BCKDHB: variants seen among roughly 807,000 people sequenced by gnomAD.
The protein encoded by BCKDHB is branched chain keto acid dehydrogenase E1 subunit beta, also known as 2-oxoisovalerate dehydrogenase subunit beta, mitochondrial.
A neutral mutation model predicts 48.5 loss-of-function variants in BCKDHB; 41 were observed. That is an observed-to-expected ratio of 0.85 (90% CI 0.66 to 1.10). The LOEUF is 1.10. Among genes scored for constraint, BCKDHB ranks in the 50% least tolerant of loss-of-function variants. BCKDHB has a pLI of 0.00. For synonymous variants in BCKDHB, 201 were observed against 174.8 expected, an observed-to-expected ratio of 1.15 and a Z score of -1.18; for missense variants, 496 against 494.2, an observed-to-expected ratio of 1.00 and a Z score of -0.03.
intron 9 of BCKDHB, among the ~76,000 whole-genome samples, chr6:80,276,984 T>C (rs1359460293): frequency 6.6e-6 from 1 of 152,046 alleles, no homozygotes; most frequent in African/African-American, 2.4e-5. Context: ...GGCCCCACTC[T>C]GGGGAAGATT....
At chr6:80,298,301 CA>C (rs1562212707) in intron 9 of BCKDHB, among the ~76,000 whole-genome samples, 2 of 151,964 alleles carry the variant, frequency 1.3e-5, no homozygotes, top group African/African-American at 4.8e-5. Context: ...GTGGTAGAGA[CA>C]GGGTTTTGCC....
the BCKDHB span, among the ~76,000 whole-genome samples, chr6:80,396,108 T>A: frequency 2.0e-5 from 3 of 152,132 alleles, no homozygotes; most frequent in Non-Finnish European, 4.4e-5. Flanking sequence ...AATGTGTGGT[T>A]GGAGCTCCCA....
chr6:80,201,101 C>A, intron 7 of BCKDHB, 70 bp downstream of exon 7: 1 of 1,285,840 alleles, frequency 7.8e-7, no homozygotes, highest in Non-Finnish European at 1.1e-6. Context: ...AATCCTGATA[C>A]ATGAAAAATT....
At chr6:80,224,644 C>A (rs1685795256) in intron 8 of BCKDHB, among the ~76,000 whole-genome samples, 1 of 152,184 alleles carries the variant, frequency 6.6e-6, no homozygotes, top group South Asian at 2.1e-4. Context: ...AATCTGCCCA[C>A]CTCAGCCTCC....
At chr6:80,216,760 C>T (rs755416799) in intron 8 of BCKDHB, among the ~76,000 whole-genome samples, 2 of 152,060 alleles carry the variant, frequency 1.3e-5, no homozygotes, top group African/African-American at 4.8e-5. Flanking sequence ...TCTTTGATGG[C>T]GTTTAACTCT....
At chr6:80,174,111 T>C (rs1484323291) in intron 6 of BCKDHB, among the ~76,000 whole-genome samples, 1 of 152,160 alleles carries the variant, frequency 6.6e-6, no homozygotes, top group African/African-American at 2.4e-5. Context: ...ATTGACTTTT[T>C]CCCCTACATC....
chr6:80,402,551 T>C, the BCKDHB span, among the ~76,000 whole-genome samples: 1 of 151,928 alleles, frequency 6.6e-6, no homozygotes, highest in African/African-American at 2.4e-5. Context: ...TTTATCCCAT[T>C]CTGTAGGTTG....
chr6:80,319,945 A>G (rs1199572829), intron 9 of BCKDHB, among the ~76,000 whole-genome samples: 5 of 152,318 alleles, frequency 3.3e-5, no homozygotes, highest in African/African-American at 1.2e-4. Context: ...AATAGGAAAC[A>G]TTGTATAAAT....
the BCKDHB span, among the ~76,000 whole-genome samples, chr6:80,454,575 T>C: frequency 6.6e-6 from 1 of 152,210 alleles, no homozygotes; most frequent in South Asian, 2.1e-4. Flanking sequence ...ATACATCTCT[T>C]AAATAGTCAG....
chr6:80,220,364 TCAAGTTA>T (rs1775375807), intron 8 of BCKDHB, among the ~76,000 whole-genome samples: 1 of 148,102 alleles, frequency 6.8e-6, no homozygotes, highest in Non-Finnish European at 1.5e-5. Flanking sequence ...TACATTTTTT[TCAAGTTA>T]TGTTCTATAG....
intron 1 of BCKDHB, among the ~76,000 whole-genome samples, chr6:80,116,575 C>G (rs1769715007): frequency 6.6e-6 from 1 of 152,162 alleles, no homozygotes; most frequent in African/African-American, 2.4e-5. Flanking sequence ...TTCAGCAGTG[C>G]TGATGACCTG....
the BCKDHB span, among the ~76,000 whole-genome samples, chr6:80,352,790 A>C: frequency 3.9e-5 from 6 of 152,232 alleles, no homozygotes; most frequent in African/African-American, 1.4e-4. Flanking sequence ...CCACAAAATA[A>C]GTGAATGCAG....
At chr6:80,133,441 T>C (rs934174180) in intron 3 of BCKDHB, among the ~76,000 whole-genome samples, 1 of 152,188 alleles carries the variant, frequency 6.6e-6, no homozygotes, top group East Asian at 1.9e-4. Context: ...GTATGAGTGC[T>C]TTGAAAATTA....
chr6:80,387,084 C>T, the BCKDHB span, among the ~76,000 whole-genome samples: 961 of 152,268 alleles, frequency 6.3e-3, 14 homozygotes, highest in African/African-American at 0.021. Context: ...TCTGAGCTGA[C>T]ATTGATTCCA....
At chr6:80,216,638 A>G (rs1775185214) in intron 8 of BCKDHB, among the ~76,000 whole-genome samples, 2 of 152,356 alleles carry the variant, frequency 1.3e-5, no homozygotes, top group South Asian at 4.1e-4. Flanking sequence ...GTGAAAAGAA[A>G]GAAATCCGTT....
chr6:80,143,547 G>C (rs1268626580), intron 3 of BCKDHB, among the ~76,000 whole-genome samples: 1 of 152,182 alleles, frequency 6.6e-6, no homozygotes, highest in African/African-American at 2.4e-5. Flanking sequence ...TTAGAGCACA[G>C]TGCTTTGTTT....
At chr6:80,140,014 C>T (rs1771107966) in intron 3 of BCKDHB, among the ~76,000 whole-genome samples, 3 of 152,140 alleles carry the variant, frequency 2.0e-5, no homozygotes, top group South Asian at 4.1e-4. Flanking sequence ...TGAAGAGGTC[C>T]TTCACTTCCC....
chr6:80,420,051 C>T, the BCKDHB span, among the ~76,000 whole-genome samples: 2 of 151,970 alleles, frequency 1.3e-5, no homozygotes, highest in South Asian at 2.1e-4. Context: ...GTATTATTTT[C>T]CTGATGTTGT....
At chr6:80,228,388 G>A (rs1039698574) in intron 8 of BCKDHB, among the ~76,000 whole-genome samples, 5 of 152,208 alleles carry the variant, frequency 3.3e-5, no homozygotes, top group African/African-American at 9.6e-5. Flanking sequence ...TCAGATAAGT[G>A]TGGGGACATC....
Sources: allele counts gnomAD v4.1 joint callset (sites outside exome capture counted in the v4.1 genomes callset), GRCh38; gene constraint gnomAD v4.1.1; transcripts MANE v1.5; gene names NCBI Gene and HGNC (gene_info 2026-07-23, HGNC 2026-07-21).